BRF1: variants seen among roughly 807,000 people sequenced by gnomAD.
The protein encoded by BRF1 is BRF1 general transcription factor IIIB subunit, also known as transcription factor IIIB 90 kDa subunit.
BRF1 carries 59 observed loss-of-function variants against 81.7 expected under a neutral mutation model. The observed-to-expected ratio is 0.72, with a 90% CI of 0.59 to 0.90. The LOEUF (loss-of-function observed/expected upper bound fraction) is 0.90, where lower values mean the gene tolerates loss of function less well. Ranked by LOEUF, BRF1 falls within the 40% of genes least tolerant of loss-of-function variation. The pLI is 0.00. For synonymous variants in BRF1, 491 were observed against 395.6 expected (o/e 1.24, Z -2.86); for missense variants, 1,050 against 936.3 (o/e 1.12, Z -1.58).
chr14:105,300,108 C>A (rs1420513976), intron 1 of BRF1, among the ~76,000 whole-genome samples: 1 of 152,256 alleles, frequency 6.6e-6, no homozygotes, highest in Non-Finnish European at 1.5e-5. Context: ...AAGTACCAGA[C>A]ATTGCTGAAA....
At chr14:105,265,206 G>A (rs2056356172) in intron 3 of BRF1, among the ~76,000 whole-genome samples, 2 of 151,914 alleles carry the variant, frequency 1.3e-5, no homozygotes, top group Admixed American at 6.6e-5. Flanking sequence ...GAGTAGCTGG[G>A]ACTACAGGTG....
rs771649813 is a variant in BRF1, at chr14:105,228,837, C to A, written c.771G>T (p.Glu257Asp). The change falls in exon 7 of 18, where the codon GAG becomes GAT. Residue 257 changes from glutamate to aspartate, a missense_variant. Glu to Asp is a conservative substitution (Grantham distance 45). Around this residue, in one of 2 missense-constraint regions of BRF1, gnomAD observed 1,043 missense variants for 915.4 expected, o/e 1.14. Transcript: ENST00000547530. ...CCCCTCACCTCTTCCGCAGCGTGGA[C>A]TCACACACTTTGACCACACTGATGA... ...KEVISVVKVCESTLRKRLTEF... is the reference protein window; with the variant it reads ...KEVISVVKVCDSTLRKRLTEF... The A allele has an allele frequency of 6.2e-7, 1 of 1,613,940 alleles. No homozygotes were observed. The highest frequency in any genetic ancestry group is 1.7e-5 in the Admixed American group (1 of 60,028).
intron 5 of BRF1, among the ~76,000 whole-genome samples, chr14:105,244,877 T>A (rs1317738415): frequency 6.6e-6 from 1 of 151,334 alleles, no homozygotes; most frequent in East Asian, 1.9e-4. Context: ...TGACCAGGTA[T>A]GATAGAACAA....
intron 1 of BRF1, among the ~76,000 whole-genome samples, chr14:105,312,667 C>T (rs2058376702): frequency 6.6e-6 from 1 of 152,226 alleles, no homozygotes; most frequent in Admixed American, 6.5e-5. Context: ...AGCACAGCAT[C>T]ATTTTCCGAC....
Position 105,209,502 on chromosome 14 carries a change from C to T in BRF1, c.*1049G>A. 1 of 701,892 alleles carries T rather than the reference C, an allele frequency of 1.4e-6. No individual in the cohort carries two copies. Among genetic ancestry groups the T allele is most frequent in the Non-Finnish European group, 2.6e-6 (1 of 384,536 alleles). The allele number at this position is 701,892 out of a possible 1,614,324, so 43.5% of individuals were successfully genotyped here. The stretch of plus-strand genomic sequence containing the variant: ...AGTGAGGCACGGCTCTGCCTCAAGG[C>T]CACCCCCTCCTAAGGACACAGGGTG... On this transcript the variant is annotated 3_prime_UTR_variant, in exon 18 of 18. Transcript: ENST00000547530.
In BRF1 at chr14:105,228,426, C is replaced by A. The variant is rs1256711226; in HGVS notation, c.788+394G>T. On this transcript the variant is annotated intron_variant, in intron 7 of 17. Transcript: ENST00000547530. ...AGGCGTGGTGGCACACGCCTGTAAT[C>A]CCAGCTACTCAGGAGGCTGAGGCAG... is the stretch of plus-strand genomic sequence containing the variant. Among the ~76,000 whole-genome samples, 7 of 152,036 alleles carry A rather than the reference C, an allele frequency of 4.6e-5. No individual in the cohort carries two copies. In the East Asian group the frequency reaches 1.4e-3, roughly 29 times the overall value.
At chr14:105,213,810 C>T (rs920799667) in intron 15 of BRF1, among the ~76,000 whole-genome samples, 3 of 152,162 alleles carry the variant, frequency 2.0e-5, no homozygotes, top group African/African-American at 4.8e-5. Flanking sequence ...AGAGAGGGTG[C>T]GTAGTGTTCA....
At chr14:105,262,793 G>A (rs1046921761) in intron 3 of BRF1, among the ~76,000 whole-genome samples, 6 of 152,272 alleles carry the variant, frequency 3.9e-5, no homozygotes, top group African/African-American at 7.2e-5. Flanking sequence ...TGAGTGGCAC[G>A]AGTGTAAGGT....
At chr14:105,245,036 CT>C (rs2054988796) in intron 5 of BRF1, among the ~76,000 whole-genome samples, 1 of 152,118 alleles carries the variant, frequency 6.6e-6, no homozygotes, top group East Asian at 1.9e-4. Context: ...CTTCAGGTAA[CT>C]TTATTAACTC....
At chr14:105,264,755 T>TGCTCCCAG (rs1438868437) in intron 3 of BRF1, among the ~76,000 whole-genome samples, 1 of 150,580 alleles carries the variant, frequency 6.6e-6, no homozygotes, top group African/African-American at 2.4e-5. Context: ...GTGAGAGGAT[T>TGCTCCCAG]GCTCGAGCCT....
rs587713888 is a variant in BRF1 at position 105,218,065 on chromosome 14, A to G, written c.1516-265T>C. Among the ~76,000 whole-genome samples, 20 of 152,262 alleles carry G rather than the reference A, an allele frequency of 1.3e-4. No homozygotes were observed. In the East Asian group the frequency reaches 3.1e-3, roughly 24 times the overall value. ...CCTCCAGACAGCAACAGCAGCAAAC[A>G]TGCCACAGGTGCTCAGGGCCCTGCT... On this transcript the variant is annotated intron_variant, in intron 14 of 17. Transcript: ENST00000547530.
intron 1 of BRF1, among the ~76,000 whole-genome samples, chr14:105,298,629 C>T (rs1025979164): frequency 1.3e-5 from 2 of 151,686 alleles, no homozygotes; most frequent in African/African-American, 4.8e-5. Flanking sequence ...CTGAGGCAGG[C>T]GGATCACTTG....
chr14:105,288,849 G>C (rs1454343360), intron 1 of BRF1, among the ~76,000 whole-genome samples: 2 of 151,394 alleles, frequency 1.3e-5, no homozygotes, highest in Non-Finnish European at 2.9e-5. Context: ...TAGCCAGGAT[G>C]GGGGGAGACC....
chr14:105,283,170 A>G (rs1378810621), intron 2 of BRF1, among the ~76,000 whole-genome samples: 1 of 152,200 alleles, frequency 6.6e-6, no homozygotes, highest in African/African-American at 2.4e-5. Flanking sequence ...TCACTGCCAC[A>G]GCAGGGGGCC....
At chr14:105,311,076 C>T (rs905783936) in intron 1 of BRF1, among the ~76,000 whole-genome samples, 12 of 152,086 alleles carry the variant, frequency 7.9e-5, no homozygotes, top group African/African-American at 2.9e-4. Flanking sequence ...CCTCAGCCTC[C>T]CGAGTAGCTG....
At chr14:105,307,734 T>C (rs1033583929) in intron 1 of BRF1, among the ~76,000 whole-genome samples, 1 of 152,206 alleles carries the variant, frequency 6.6e-6, no homozygotes, top group Admixed American at 6.5e-5. Context: ...CTCATCTGCA[T>C]AACAGGGATA....
rs1158811886 is a variant in BRF1, at chr14:105,260,429, T to C, written c.440-3880A>G. ...CCCTGTCGCCCAGGCTGGAGTGCAA[T>C]GGTACAATCTTGGATCACTACAACC... On this transcript the variant is annotated intron_variant, in intron 3 of 17. Coordinates refer to ENST00000547530, the MANE Select transcript of BRF1 (RefSeq NM_001519.4). Among the ~76,000 whole-genome samples the C allele has an allele frequency of 5.3e-5, 8 of 151,994 alleles. No homozygotes were observed. In the East Asian group the frequency reaches 1.6e-3, roughly 29 times the overall value.
chr14:105,299,108 G>C (rs183356581), intron 1 of BRF1, among the ~76,000 whole-genome samples: 1 of 152,090 alleles, frequency 6.6e-6, no homozygotes, highest in Non-Finnish European at 1.5e-5. Context: ...GGGAGGCAGA[G>C]CTTGCAGTGA....
rs1241438649 is a variant in BRF1, at chr14:105,309,367, A to T, written c.-162+5955T>A. On this transcript the variant is annotated intron_variant, in intron 1 of 17. Coordinates refer to the BRF1 transcript ENST00000327359. This position sits in a 1 kb window ranked among gnomAD's most constrained non-coding sequence, Gnocchi z 4.0. The stretch of plus-strand genomic sequence containing the variant: ...CAATCACATATCTGAGAATTTCCCC[A>T]TGTTGCTAAAACTGAGGCAGCGTTC... 6.6e-6 allele frequency among the ~76,000 whole-genome samples: 1 copy of T among 152,134 alleles called. No individual in the cohort carries two copies. The highest frequency in any genetic ancestry group is 1.5e-5 in the Non-Finnish European group (1 of 68,022).
Sources: allele counts gnomAD v4.1 joint callset (sites outside exome capture counted in the v4.1 genomes callset), GRCh38; gene constraint gnomAD v4.1.1; regional missense constraint gnomAD v4.1.1; non-coding constraint Gnocchi (gnomAD v3.1); transcripts MANE v1.5; gene names NCBI Gene and HGNC (gene_info 2026-07-23, HGNC 2026-07-21).